The following GPR39 variants were observed in gnomAD, a reference collection of about 807,000 sequenced individuals.
GPR39 encodes G protein-coupled receptor 39, also known as zinc sensing receptor.
GPR39 carries 23 observed loss-of-function variants against 18.4 expected under a neutral mutation model. The observed-to-expected ratio is 1.25, with a 90% CI of 0.90 to 1.77. The LOEUF (loss-of-function observed/expected upper bound fraction) is 1.77. GPR39 is among the 40% of genes most tolerant of loss of function. The pLI is 0.00. For synonymous variants in GPR39, 280 were observed against 257.9 expected (o/e 1.09, Z -0.82); for missense variants, 647 against 602.4 (o/e 1.07, Z -0.78).
At chr2:132,541,503 T>C (rs147066588) in intron 1 of GPR39, among the ~76,000 whole-genome samples, 1 of 152,182 alleles carries the variant, frequency 6.6e-6, no homozygotes, top group African/African-American at 2.4e-5. Flanking sequence ...ATTTCACAGT[T>C]TTCTGTCATC....
At chr2:132,491,985 T>A (rs1380107130) in intron 1 of GPR39, among the ~76,000 whole-genome samples, 1 of 151,362 alleles carries the variant, frequency 6.6e-6, no homozygotes, top group East Asian at 1.9e-4. Flanking sequence ...TCATTATTAA[T>A]TTTCATTGAT....
chr2:132,617,265 C>T lies in GPR39; in HGVS notation c.857-27836C>T, dbSNP rs897273705. On this transcript the variant is annotated intron_variant, in intron 1 of 1. Transcript: ENST00000329321. ...GCTTGTATTTTTATGGCTTGGAGTC[C>T]TACAGATGGAGTTCCTGGGGCAAAT... Among the ~76,000 whole-genome samples, 6 of 150,500 alleles carry T rather than the reference C, an allele frequency of 4.0e-5. No individual in the cohort carries two copies. The Admixed American group carries it at 4.0e-4, about 10-fold the overall frequency.
intron 1 of GPR39, among the ~76,000 whole-genome samples, chr2:132,486,028 C>A (rs1320279010): frequency 3.3e-5 from 5 of 152,174 alleles, no homozygotes; most frequent in Non-Finnish European, 7.3e-5. Flanking sequence ...GATCCATGGG[C>A]TGAAGAATGA....
At chr2:132,452,398 T>C (rs1680645616) in intron 1 of GPR39, among the ~76,000 whole-genome samples, 1 of 152,218 alleles carries the variant, frequency 6.6e-6, no homozygotes, top group Non-Finnish European at 1.5e-5. Flanking sequence ...ATTTTCTTTC[T>C]AATCCCTTTA....
At chr2:132,494,358 A>G (rs1573631000) in intron 1 of GPR39, among the ~76,000 whole-genome samples, 1 of 152,172 alleles carries the variant, frequency 6.6e-6, no homozygotes, top group Non-Finnish European at 1.5e-5. Context: ...TCTCTTCGCC[A>G]GTAAAATCCA....
intron 1 of GPR39, among the ~76,000 whole-genome samples, chr2:132,642,629 C>T (rs562804803): frequency 6.6e-6 from 1 of 152,312 alleles, no homozygotes; most frequent in East Asian, 1.9e-4. Flanking sequence ...CATTCTCTCC[C>T]CTTGTTTCAC....
At position 132,447,527 on chromosome 2, in the gene GPR39, A is replaced by C. The variant is rs559037316; in HGVS notation, c.856+29629A>C. ...GCTAGGCTCACCGTGGTCCAGGTCC[A>C]CAAATCTCTCAAATTTGTATTATAA... On this transcript the variant is annotated intron_variant, in intron 1 of 1. Transcript: ENST00000329321. Among the ~76,000 whole-genome samples the C allele has an allele frequency of 5.9e-5, 9 of 152,328 alleles. No individual in the cohort carries two copies. The South Asian group carries it at 1.9e-3, about 32-fold the overall frequency.
At chr2:132,421,387 A>G in intron 1 of GPR39, among the ~76,000 whole-genome samples, 1 of 152,220 alleles carries the variant, frequency 6.6e-6, no homozygotes, top group East Asian at 1.9e-4. Flanking sequence ...ACTCAGCTGC[A>G]ACTACCTCCT....
At chr2:132,500,320 T>C (rs934735383) in intron 1 of GPR39, among the ~76,000 whole-genome samples, 8 of 152,142 alleles carry the variant, frequency 5.3e-5, no homozygotes, top group Non-Finnish European at 1.0e-4. Context: ...CAAATGCTTT[T>C]TCTGTATGGA....
intron 1 of GPR39, among the ~76,000 whole-genome samples, chr2:132,542,774 G>A (rs1679883802): frequency 1.3e-5 from 2 of 151,802 alleles, no homozygotes; most frequent in Non-Finnish European, 2.9e-5. Flanking sequence ...TATGGGTACA[G>A]ATGGTTCTTC....
chr2:132,489,989 C>T (rs1681425353), intron 1 of GPR39, among the ~76,000 whole-genome samples: 1 of 151,712 alleles, frequency 6.6e-6, no homozygotes, highest in Non-Finnish European at 1.5e-5. Context: ...GAGCAGAATC[C>T]TCACCAGGTA....
Position 132,645,707 on chromosome 2 carries a change from A to G in GPR39, c.*101A>G. The G allele has an allele frequency of 2.1e-6, 3 of 1,461,032 alleles. No homozygotes were observed. The highest frequency in any genetic ancestry group is 1.8e-6 in the Non-Finnish European group (2 of 1,089,250). 90.5% of individuals were successfully genotyped at this position (1,461,032 alleles called of 1,614,324 possible). A position where few individuals can be genotyped will look rare whatever the true frequency, so the allele number is the denominator to read the frequency against. On this transcript the variant is annotated 3_prime_UTR_variant, in exon 2 of 2. Coordinates refer to ENST00000329321, the MANE Select transcript of GPR39 (RefSeq NM_001508.3). Reference sequence around the variant, plus strand: ...AAACTATGCCCCCATCAGGGATGGAATGGACACTGGAGGCTTTACAAAAGG... The same window carrying G: ...AAACTATGCCCCCATCAGGGATGGAGTGGACACTGGAGGCTTTACAAAAGG...
intron 1 of GPR39, among the ~76,000 whole-genome samples, chr2:132,600,012 T>C (rs1029404352): frequency 2.6e-5 from 4 of 152,168 alleles, no homozygotes; most frequent in African/African-American, 7.2e-5. Context: ...ACATCATAGC[T>C]CAGTCTCCCA....
intron 1 of GPR39, among the ~76,000 whole-genome samples, chr2:132,435,859 GA>G (rs1391589534): frequency 6.6e-6 from 1 of 152,198 alleles, no homozygotes; most frequent in Non-Finnish European, 1.5e-5. Context: ...CCAAGGAATA[GA>G]AAGAGTGTGA....
intron 1 of GPR39, among the ~76,000 whole-genome samples, chr2:132,605,615 T>A (rs954993314): frequency 1.3e-5 from 2 of 152,152 alleles, no homozygotes; most frequent in Non-Finnish European, 2.9e-5. Context: ...GGCTTATCTT[T>A]CCCTCTGTTA....
chr2:132,478,179 C>A (rs533905888), intron 1 of GPR39, among the ~76,000 whole-genome samples: 2 of 152,166 alleles, frequency 1.3e-5, no homozygotes, highest in Non-Finnish European at 2.9e-5. Context: ...TTTCCACAGG[C>A]AGCAAAGAAA....
chr2:132,525,475 A>T (rs1226444576), intron 1 of GPR39, among the ~76,000 whole-genome samples: 1 of 152,226 alleles, frequency 6.6e-6, no homozygotes, highest in Non-Finnish European at 1.5e-5. Context: ...GCGGTGATGC[A>T]TGCACGTATC....
intron 1 of GPR39, among the ~76,000 whole-genome samples, chr2:132,485,663 G>A (rs773932499): frequency 2.6e-5 from 4 of 152,096 alleles, no homozygotes; most frequent in Admixed American, 2.6e-4. Context: ...GTAACTTCTC[G>A]TCCATTCAAG....
intron 1 of GPR39, among the ~76,000 whole-genome samples, chr2:132,590,039 A>G (rs1440618279): frequency 1.3e-5 from 2 of 152,224 alleles, no homozygotes; most frequent in Non-Finnish European, 2.9e-5. Context: ...AGCTGCTCTC[A>G]TTATTTCTTT....
Sources: gnomAD v4.1 joint callset for allele counts (sites outside exome capture counted in the v4.1 genomes callset) on GRCh38, gnomAD v4.1.1 for gene constraint, MANE v1.5 for transcripts, NCBI Gene and HGNC (gene_info 2026-07-23, HGNC 2026-07-21) for gene names.